The following UNKL variants were observed in gnomAD, a reference collection of about 807,000 sequenced individuals.
UNKL encodes the protein putative E3 ubiquitin-protein ligase UNKL.
A neutral mutation model predicts 78.0 loss-of-function variants in UNKL; 60 were observed. That is an observed-to-expected ratio of 0.77 (90% CI 0.63 to 0.95). The LOEUF is 0.95. Among genes scored for constraint, UNKL ranks in the 40% least tolerant of loss-of-function variants. UNKL has a pLI of 0.00. For missense variants in UNKL, 1,159 were observed against 1,045.7 expected (o/e 1.11, Z -1.49); for synonymous variants, 608 against 474.8 (o/e 1.28, Z -3.65).
intron 5 of UNKL, chr16:1,398,317 C>T (rs1453107376): frequency 5.0e-6 from 5 of 1,001,256 alleles, no homozygotes; most frequent in African/African-American, 1.7e-5. Flanking sequence ...GAATCTCTAG[C>T]TGCTTTATTG....
chr16:1,387,088 A>T lies in UNKL; in HGVS notation c.1087-1703T>A, dbSNP rs551267939. ...ACACCGCAGACCCTCCCAGCCATGC[A>T]GCACCGGGGACCCTCCCAGCAATGC... On this transcript the variant is annotated intron_variant, in intron 9 of 14. Transcript: ENST00000389221. This position sits in a 1 kb window ranked among gnomAD's most constrained non-coding sequence, Gnocchi z 4.1. Among the ~76,000 whole-genome samples, 1 of 151,302 alleles carries T rather than the reference A, an allele frequency of 6.6e-6. No individual in the cohort carries two copies. Among genetic ancestry groups the T allele is most frequent in the African/African-American group, 2.4e-5 (1 of 41,180 alleles).
Position 1,371,567 on chromosome 16 carries a change from G to C in UNKL, c.1309C>G (p.Leu437Val). 1 of 1,536,214 alleles carries C rather than the reference G, an allele frequency of 6.5e-7. No individual in the cohort carries two copies. Among genetic ancestry groups the C allele is most frequent in the Non-Finnish European group, 8.7e-7 (1 of 1,146,906 alleles). The change falls in exon 11 of 15, where the codon CTA (leucine) becomes GTA (valine). Residue 437 changes from leucine to valine, a missense_variant. Leu to Val is a conservative substitution (Grantham distance 32, BLOSUM62 1). Coordinates refer to ENST00000389221, the MANE Select transcript of UNKL (RefSeq NM_001372107.1). The part of the protein sequence containing the change: ...LHLSNVNIAS[L>V]EKDLEEQDGH... Reference sequence around the variant, plus strand: ...TCTTGCTCTTCCAGGTCCTTCTCTAGGGATGCAATATTCACATTGCTAAGA... The same window carrying C: ...TCTTGCTCTTCCAGGTCCTTCTCTACGGATGCAATATTCACATTGCTAAGA...
chr16:1,413,749 A>G, intron 2 of UNKL, 97 bp downstream of exon 2: 4 of 1,317,138 alleles, frequency 3.0e-6, no homozygotes, highest in Admixed American at 5.7e-5. Context: ...GGGGCCAGGT[A>G]TGGACACTAA....
rs960068020 is a variant in UNKL at position 1,363,768 on chromosome 16, C to G, written c.*2472G>C. On this transcript the variant is annotated 3_prime_UTR_variant, in exon 15 of 15. Coordinates refer to ENST00000389221, the MANE Select transcript of UNKL (RefSeq NM_001372107.1). ...CAGGATCTTGCCCCCATTTCCAACC[C>G]TGGCAGCGCTGCCAGCCATTCTTTG... The G allele has an allele frequency of 6.3e-6, 1 of 159,250 alleles. No individual in the cohort carries two copies. Among genetic ancestry groups the G allele is most frequent in the Admixed American group, 5.9e-5 (1 of 16,840 alleles). The allele number at this position is 159,250 out of a possible 1,614,324, so 9.9% of individuals were successfully genotyped here.
chr16:1,408,229 G>C (rs575323875), intron 2 of UNKL, among the ~76,000 whole-genome samples: 2 of 151,166 alleles, frequency 1.3e-5, no homozygotes, highest in African/African-American at 4.9e-5. Context: ...CTACACCCCC[G>C]GGGCCTCAAG....
chr16:1,379,586 AC>A, intron 10 of UNKL: 2 of 984,798 alleles, frequency 2.0e-6, no homozygotes, highest in Non-Finnish European at 2.4e-6. Context: ...GAGTAACGAG[AC>A]CCGCACCTTG....
intron 14 of UNKL, 147 bp from the exon 15 acceptor site, chr16:1,366,542 AG>A: frequency 1.9e-6 from 2 of 1,071,556 alleles, no homozygotes; most frequent in Non-Finnish European, 2.6e-6. Flanking sequence ...CGCCCCAGCC[AG>A]GGCCACCTCA....
chr16:1,398,335 T>G, intron 5 of UNKL: 1 of 1,007,448 alleles, frequency 9.9e-7, no homozygotes, highest in Non-Finnish European at 1.2e-6. Context: ...TTGTAACTGA[T>G]TTGTATTTAT....
At chr16:1,393,897 A>T (rs113796831) in intron 7 of UNKL, among the ~76,000 whole-genome samples, 1 of 152,148 alleles carries the variant, frequency 6.6e-6, no homozygotes, top group East Asian at 1.9e-4. Flanking sequence ...GTCCCTGCAG[A>T]TTCCACCAGG....
chr16:1,369,235 A>C (rs1465789216), intron 12 of UNKL, among the ~76,000 whole-genome samples: 2 of 150,056 alleles, frequency 1.3e-5, no homozygotes, highest in African/African-American at 4.9e-5. Context: ...ACGCCCGCCT[A>C]ATTTTTGTAT....
intron 10 of UNKL, among the ~76,000 whole-genome samples, chr16:1,377,973 G>A (rs2036355796): frequency 2.0e-5 from 3 of 152,294 alleles, no homozygotes; most frequent in Admixed American, 6.5e-5. Flanking sequence ...ATCCTGACCT[G>A]CAAGAAAGGA....
chr16:1,371,253 G>A (rs1409372147), intron 11 of UNKL, among the ~76,000 whole-genome samples: 1 of 152,218 alleles, frequency 6.6e-6, no homozygotes, highest in Non-Finnish European at 1.5e-5. Flanking sequence ...GCAGGCCCGA[G>A]GCAGGAGAGA....
At chr16:1,401,081 G>A (rs1049141218) in intron 4 of UNKL, among the ~76,000 whole-genome samples, 2 of 152,160 alleles carry the variant, frequency 1.3e-5, no homozygotes, top group African/African-American at 4.8e-5. Context: ...CCGAGGGACA[G>A]CCCCCTGGTC....
chr16:1,366,102 CATG>C lies in UNKL; in HGVS notation c.*135_*137del, dbSNP rs1259995671. On this transcript the variant is annotated 3_prime_UTR_variant, in exon 15 of 15. Transcript: ENST00000389221. ...CAAGCGCAGGCGGGGCTCCCAGCCT[CATG>C]ATAACGTGTAACAGGAAGGGCTCCC... 11 of 1,088,502 alleles carry C rather than the reference CATG, an allele frequency of 1.0e-5. No homozygotes were observed. Among genetic ancestry groups the C allele is most frequent in the African/African-American group, 4.8e-5 (3 of 62,340 alleles). 67.4% of individuals were successfully genotyped at this position (1,088,502 alleles called of 1,614,324 possible).
chr16:1,369,829 G>T, intron 12 of UNKL: 2 of 942,172 alleles, frequency 2.1e-6, no homozygotes, highest in Non-Finnish European at 3.2e-6. Flanking sequence ...ACAAAAACTA[G>T]CTGGGCGTGG....
intron 10 of UNKL, 40 bp downstream of exon 10, chr16:1,385,168 G>A (rs547150077): frequency 3.0e-5 from 37 of 1,235,660 alleles, no homozygotes; most frequent in Middle Eastern, 3.1e-4. Flanking sequence ...CATGAACACA[G>A]AAGGAGGTCA....
At chr16:1,369,163 G>T (rs555577691) in intron 12 of UNKL, among the ~76,000 whole-genome samples, 1 of 147,388 alleles carries the variant, frequency 6.8e-6, no homozygotes, top group South Asian at 2.2e-4. Context: ...TCCGACTCCC[G>T]GGTTCAAGCG....
Position 1,367,715 on chromosome 16 carries a change from G to C in UNKL, c.1729C>G (p.Leu577Val). 6.3e-7 allele frequency: 1 copy of C among 1,580,920 alleles called. No homozygotes were observed. The highest frequency in any genetic ancestry group is 2.3e-5 in the East Asian group (1 of 43,106). ...CGGATCTTCCTCTTGGCCTCGTCCA[G>C]CTGCCGCCTGACCCGGGCCAGCTCA... ...GAELARVRRQ[L>V]DEAKRKIRQW... Residue 577 changes from leucine (L) to valine (V), a missense_variant, in exon 13 of 15, where the codon CTG becomes GTG. Leu to Val is a conservative substitution (Grantham distance 32). Transcript: ENST00000389221.
At chr16:1,386,797 C>T (rs920981818) in intron 9 of UNKL, among the ~76,000 whole-genome samples, 1 of 152,140 alleles carries the variant, frequency 6.6e-6, no homozygotes, top group African/African-American at 2.4e-5. Context: ...GCCCTGGCTT[C>T]CTTCTGGATA....
Sources: gnomAD v4.1 joint callset for allele counts (sites outside exome capture counted in the v4.1 genomes callset) on GRCh38, gnomAD v4.1.1 for gene constraint, Gnocchi (gnomAD v3.1) non-coding constraint, MANE v1.5 for transcripts, NCBI Gene and HGNC (gene_info 2026-07-23, HGNC 2026-07-21) for gene names.